Variants in CD4 observed in about 807,000 individuals in gnomAD.
The protein encoded by CD4 is T-cell surface glycoprotein CD4.
CD4 carries 25 observed loss-of-function variants against 50.5 expected under a neutral mutation model. The observed-to-expected ratio is 0.49, with a 90% CI of 0.36 to 0.69. The LOEUF (loss-of-function observed/expected upper bound fraction) is 0.69, where lower values mean the gene tolerates loss of function less well. Among genes scored for constraint, CD4 ranks in the 30% least tolerant of loss-of-function variants. The probability of loss-of-function intolerance (pLI) is 0.00; values close to 1 mark genes in which losing one functional copy is unlikely to be tolerated. For missense variants in CD4, 456 were observed against 548.5 expected (o/e 0.83, Z 1.68); for synonymous variants, 207 against 221.9 (o/e 0.93, Z 0.60).
At chr12:6,795,812 T>C (rs1169563399) in intron 1 of CD4, among the ~76,000 whole-genome samples, 2 of 152,092 alleles carry the variant, frequency 1.3e-5, no homozygotes, top group African/African-American at 2.4e-5. Context: ...CACCCTTCCA[T>C]CTCATCTCTG....
rs181002139 is a variant in CD4, at chr12:6,814,122, C to T, written c.215-20C>T. 7.2e-5 allele frequency: 116 copies of T among 1,611,584 alleles called. No homozygotes were observed. The Admixed American group carries it at 1.5e-3, about 21-fold the overall frequency. On this transcript the variant is annotated intron_variant, in intron 3 of 9. Coordinates refer to ENST00000011653, the MANE Select transcript of CD4 (RefSeq NM_000616.5). ...TCTCCAGGGCGCCTCAGTCCCCCCC[C>T]ATATGTCTTCTGCTCCCAGGTCCAT...
intron 1 of CD4, among the ~76,000 whole-genome samples, chr12:6,790,079 T>G: frequency 6.7e-6 from 1 of 149,414 alleles, no homozygotes; most frequent in African/African-American, 2.5e-5. Flanking sequence ...AGGGAAAAAA[T>G]TAGAAAGAAT....
Position 6,800,323 on chromosome 12 carries a change from C to T in CD4, c.66C>T (p.Ala22=), listed in dbSNP as rs1942506617. Residue 22 remains alanine (A), a synonymous_variant, in exon 3 of 10, where the codon GCC becomes GCT. Transcript: ENST00000011653. ...TCCACTTAGCGCTCCTCCCAGCAGC[C>T]ACTCAGGGAAAGAAAGTGGTGCTGG... The part of the protein sequence containing the change: ...LVLQLALLPA[A]TQGKKVVLGK... The T allele has an allele frequency of 3.7e-6, 6 of 1,613,914 alleles. No homozygotes were observed. Among genetic ancestry groups the T allele is most frequent in the Non-Finnish European group, 5.1e-6 (6 of 1,179,950 alleles).
At chr12:6,813,204 C>T (rs377444546) in intron 3 of CD4, among the ~76,000 whole-genome samples, 10 of 149,640 alleles carry the variant, frequency 6.7e-5, no homozygotes, top group East Asian at 2.0e-4. Flanking sequence ...CCTCCCAAGG[C>T]GGCTAATTAA....
intron 5 of CD4, 177 bp from the exon 6 acceptor site, chr12:6,815,879 A>G (rs1555117819): frequency 2.6e-6 from 4 of 1,521,630 alleles, no homozygotes; most frequent in Non-Finnish European, 3.5e-6. Flanking sequence ...TGCTGGGTGG[A>G]AGAAGGGAGA....
intron 5 of CD4, 169 bp downstream of exon 5, chr12:6,815,161 T>A: frequency 3.4e-6 from 2 of 590,006 alleles, no homozygotes; most frequent in Non-Finnish European, 6.0e-6. Flanking sequence ...GGGGCCCTCA[T>A]CCTCAGGGGG....
At chr12:6,801,244 G>A (rs1284535820) in intron 3 of CD4, among the ~76,000 whole-genome samples, 1 of 151,462 alleles carries the variant, frequency 6.6e-6, no homozygotes, top group African/African-American at 2.4e-5. Context: ...AAGGCCGGCT[G>A]TAGTGGCTCA....
rs201111757 is a variant in CD4 at position 6,820,245 on chromosome 12, G to A, written c.*916G>A. The A allele has an allele frequency of 8.5e-5, 13 of 152,336 alleles. No homozygotes were observed. Among genetic ancestry groups the A allele is most frequent in the South Asian group, 2.1e-4 (1 of 4,832 alleles). The allele number at this position is 152,336 out of a possible 1,614,324, so 9.4% of individuals were successfully genotyped here. On this transcript the variant is annotated 3_prime_UTR_variant, in exon 10 of 10. Coordinates refer to ENST00000011653, the MANE Select transcript of CD4 (RefSeq NM_000616.5). Reference sequence around the variant, plus strand: ...GAAGGGTCCATCTCAGAGAATTTACGAGCAGGGATGAAGGCCTCCCTGTCT... The same window carrying A: ...GAAGGGTCCATCTCAGAGAATTTACAAGCAGGGATGAAGGCCTCCCTGTCT...
At chr12:6,806,054 G>A (rs1462978770) in intron 3 of CD4, among the ~76,000 whole-genome samples, 3 of 150,582 alleles carry the variant, frequency 2.0e-5, no homozygotes, top group African/African-American at 4.9e-5. Flanking sequence ...ATCCCAGCAC[G>A]TTGGGAGGCT....
intron 1 of CD4, among the ~76,000 whole-genome samples, chr12:6,793,970 A>ATCTATCTATCTATC (rs1555114029): frequency 5.2e-5 from 7 of 133,850 alleles, no homozygotes; most frequent in African/African-American, 1.9e-4. Context: ...CTATCTATCT[A>ATCTATCTATCTATC]TATCTATCTA....
rs868915916 is a variant in CD4 at position 6,811,553 on chromosome 12, C to T, written c.215-2589C>T. Among the ~76,000 whole-genome samples, 203 of 126,436 alleles carry T rather than the reference C, an allele frequency of 1.6e-3. 2 individuals are homozygous for T. The highest frequency in any genetic ancestry group is 5.6e-3 in the African/African-American group (181 of 32,292). The allele number at this position is 126,436 out of a possible 152,430, so 82.9% of individuals were successfully genotyped here. A position where few individuals can be genotyped will look rare whatever the true frequency, so the allele number is the denominator to read the frequency against. On this transcript the variant is annotated intron_variant, in intron 3 of 9. Transcript: ENST00000011653. ...TGTCACCCAGGCTGGAGTGCAGTGG[C>T]GTGATCTTGGCTCACTGCAATCTCC...
intron 4 of CD4, chr12:6,814,550 C>A: frequency 1.5e-6 from 1 of 663,608 alleles, no homozygotes; most frequent in South Asian, 1.7e-5. Context: ...GGGAGAGAGA[C>A]TGGGGAAGAG....
chr12:6,819,063 G>A (rs1222573885), intron 9 of CD4, 149 bp downstream of exon 9: 6 of 710,568 alleles, frequency 8.4e-6, no homozygotes, highest in Non-Finnish European at 1.5e-5. Context: ...AGGGGTGGAG[G>A]TGAGGAGATG....
In CD4 at chr12:6,816,453, C is replaced by G; in HGVS notation, c.955+50C>G. 6.8e-7 allele frequency: 1 copy of G among 1,463,970 alleles called. No homozygotes were observed. The highest frequency in any genetic ancestry group is 2.1e-5 in the Admixed American group (1 of 48,142). 90.7% of individuals were successfully genotyped at this position (1,463,970 alleles called of 1,614,324 possible). On this transcript the variant is annotated intron_variant, in intron 6 of 9. Transcript: ENST00000011653. The surrounding 1 kb of genome is among the most constrained non-coding windows in gnomAD (Gnocchi z 4.9). ...TGGGCAGGGGAAGGAGTTGGAGGGG[C>G]CTGGCCCAGGGCTCCCTCTGAGGCA...
Position 6,814,943 on chromosome 12 carries a change from C to T in CD4, c.558C>T (p.Val186=), listed in dbSNP as rs11575099. ...ATAGTGGCACCTGGACATGCACTGT[C>T]TTGCAGAACCAGAAGAAGGTGGAGT... ...LQDSGTWTCT[V]LQNQKKVEFK... The change falls in exon 5 of 10, where the codon GTC becomes GTT. Residue 186 remains valine, a synonymous_variant. Transcript: ENST00000011653. 32,402 of 1,613,490 alleles carry T rather than the reference C, an allele frequency of 0.02. 425 individuals are homozygous for T. The highest frequency in any genetic ancestry group is 0.089 in the Middle Eastern group (540 of 6,052).
chr12:6,806,680 A>G (rs976326117), intron 3 of CD4, among the ~76,000 whole-genome samples: 2 of 152,254 alleles, frequency 1.3e-5, no homozygotes, highest in African/African-American at 4.8e-5. Context: ...GTTGTTCAAC[A>G]TCATTAATCA....
intron 5 of CD4, among the ~76,000 whole-genome samples, chr12:6,815,254 C>T (rs1205186015): frequency 1.3e-5 from 2 of 152,092 alleles, no homozygotes; most frequent in African/African-American, 4.8e-5. Context: ...GCCCGAGTCT[C>T]CTTTGGAGGC....
chr12:6,812,737 C>G (rs1942972020), intron 3 of CD4, among the ~76,000 whole-genome samples: 1 of 150,960 alleles, frequency 6.6e-6, no homozygotes, highest in African/African-American at 2.4e-5. Context: ...CATGAGTATT[C>G]ACTTCCTCTT....
chr12:6,810,477 G>C (rs2137899596), intron 3 of CD4, among the ~76,000 whole-genome samples: 1 of 152,300 alleles, frequency 6.6e-6, no homozygotes, highest in Non-Finnish European at 1.5e-5. Flanking sequence ...GCCTAGAACT[G>C]AGGAGAGAGG....
Sources: allele counts gnomAD v4.1 joint callset (sites outside exome capture counted in the v4.1 genomes callset), GRCh38; gene constraint gnomAD v4.1.1; non-coding constraint Gnocchi (gnomAD v3.1); transcripts MANE v1.5; gene names NCBI Gene and HGNC (gene_info 2026-07-23, HGNC 2026-07-21).